Variants in PRELID3A observed in about 807,000 individuals in gnomAD.
PRELID3A encodes the protein PRELI domain containing 3A, also known as PRELI domain containing protein 3A.
A neutral mutation model predicts 23.0 loss-of-function variants in PRELID3A; 27 were observed. That is an observed-to-expected ratio of 1.17 (90% confidence interval 0.87 to 1.62). PRELID3A has a LOEUF of 1.62. PRELID3A is among the 40% of genes most tolerant of loss of function. The pLI, the probability that PRELID3A is intolerant of heterozygous loss-of-function variation, is 0.00. For missense variants in PRELID3A, 231 were observed against 231.4 expected, an observed-to-expected ratio of 1.00 and a Z score of 0.01; for synonymous variants, 87 against 86.4, an observed-to-expected ratio of 1.01 and a Z score of -0.04.
chr18:12,409,043 C>T (rs1349361389), intron 1 of PRELID3A, among the ~76,000 whole-genome samples: 1 of 151,396 alleles, frequency 6.6e-6, no homozygotes, highest in Non-Finnish European at 1.5e-5. Flanking sequence ...CTCACTTAAG[C>T]ATTAAATATT....
chr18:12,431,005 GTGTA>G (rs778585596), intron 6 of PRELID3A, 141 bp from the exon 7 acceptor site: 1 of 152,202 alleles, frequency 6.6e-6, no homozygotes, highest in African/African-American at 2.4e-5. Flanking sequence ...TATGTGTGAT[GTGTA>G]TGTGTGTGGT....
intron 1 of PRELID3A, among the ~76,000 whole-genome samples, chr18:12,416,747 G>A (rs977582772): frequency 3.3e-5 from 5 of 150,648 alleles, no homozygotes; most frequent in East Asian, 2.0e-4. Context: ...CCGGGTTCAC[G>A]CCATTCTCCT....
In PRELID3A at chr18:12,420,499, C is replaced by A; in HGVS notation, c.201+6C>A. The stretch of plus-strand genomic sequence containing the variant: ...TGCCCAGCCTCGTGAGAGCGGTGAG[C>A]GGGGCGGGGGCTGCGGCTCCGAACG... On this transcript the variant is annotated splice_donor_region_variant and intron_variant, in intron 2 of 6. Transcript: ENST00000440960. The A allele has an allele frequency of 6.6e-7, 1 of 1,525,540 alleles. No homozygotes were observed. Among genetic ancestry groups the A allele is most frequent in the Non-Finnish European group, 8.8e-7 (1 of 1,135,672 alleles). The allele number at this position is 1,525,540 out of a possible 1,614,324, so 94.5% of individuals were successfully genotyped here. A position where few individuals can be genotyped will look rare whatever the true frequency, so the allele number is the denominator to read the frequency against.
At chr18:12,419,165 T>C (rs911242476) in intron 1 of PRELID3A, among the ~76,000 whole-genome samples, 1 of 141,198 alleles carries the variant, frequency 7.1e-6, no homozygotes, top group Non-Finnish European at 1.5e-5. Flanking sequence ...CTACTAAAGA[T>C]ACAAAAAAAA....
intron 1 of PRELID3A, among the ~76,000 whole-genome samples, chr18:12,413,399 C>T (rs2029873784): frequency 6.6e-6 from 1 of 152,082 alleles, no homozygotes; most frequent in African/African-American, 2.4e-5. Context: ...CAGAGCCATA[C>T]CATCTCTTAA....
intron 1 of PRELID3A, chr18:12,410,868 T>G (rs2143317698): frequency 1.3e-5 from 2 of 152,238 alleles, no homozygotes; most frequent in South Asian, 4.1e-4. Flanking sequence ...GGTGAATTTT[T>G]TTGTATTTTT....
intron 1 of PRELID3A, among the ~76,000 whole-genome samples, chr18:12,415,004 C>T (rs1365806419): frequency 6.6e-6 from 1 of 152,088 alleles, no homozygotes; most frequent in Non-Finnish European, 1.5e-5. Context: ...TCACGACTTA[C>T]TGCAGCCTCA....
intron 1 of PRELID3A, chr18:12,420,063 C>T (rs889638783): frequency 1.5e-6 from 2 of 1,301,344 alleles, no homozygotes; most frequent in East Asian, 5.5e-5. Flanking sequence ...GATGGCACCA[C>T]TGCATTCCTG....
intron 1 of PRELID3A, among the ~76,000 whole-genome samples, chr18:12,410,550 T>TA (rs1190354880): frequency 6.6e-6 from 1 of 152,232 alleles, no homozygotes; most frequent in Non-Finnish European, 1.5e-5. Flanking sequence ...TGGCTGGACT[T>TA]ACTGTGTAGT....
At chr18:12,429,063 C>A (rs1396193341) in intron 5 of PRELID3A, among the ~76,000 whole-genome samples, 1 of 152,122 alleles carries the variant, frequency 6.6e-6, no homozygotes, top group Non-Finnish European at 1.5e-5. Context: ...CCTCCTGGGG[C>A]AGCCTCAGCG....
chr18:12,415,475 T>G (rs1299684887), intron 1 of PRELID3A, among the ~76,000 whole-genome samples: 3 of 151,978 alleles, frequency 2.0e-5, no homozygotes, highest in Non-Finnish European at 4.4e-5. Context: ...GGGCAGGCTG[T>G]TCTAGAACTC....
At chr18:12,409,413 C>G (rs574732708) in intron 1 of PRELID3A, among the ~76,000 whole-genome samples, 1 of 152,022 alleles carries the variant, frequency 6.6e-6, no homozygotes, top group East Asian at 1.9e-4. Flanking sequence ...GTGATCCACC[C>G]GCCTCGGCCT....
chr18:12,422,081 A>G (rs1033012412), intron 3 of PRELID3A, among the ~76,000 whole-genome samples: 2 of 151,896 alleles, frequency 1.3e-5, no homozygotes, highest in East Asian at 1.9e-4. Context: ...CTGGGACCAC[A>G]GGCACGTGCC....
Position 12,421,319 on chromosome 18 carries a change from C to G in PRELID3A, c.202-221C>G. ...GTTTTATTTTGCCGGGAGCATAGTGCTGCTGCACGCTCCACTCTGTTGGAA... is the reference window on the plus strand; with the variant it reads ...GTTTTATTTTGCCGGGAGCATAGTGGTGCTGCACGCTCCACTCTGTTGGAA... On this transcript the variant is annotated intron_variant, in intron 2 of 6. Coordinates refer to ENST00000440960, the MANE Select transcript of PRELID3A (RefSeq NM_001142405.2). 3 of 553,104 alleles carry G rather than the reference C, an allele frequency of 5.4e-6. No individual in the cohort carries two copies. In the South Asian group the frequency reaches 7.0e-5, roughly 13 times the overall value. 34.3% of individuals were successfully genotyped at this position (553,104 alleles called of 1,614,324 possible).
At chr18:12,408,159 C>A in intron 1 of PRELID3A, 152 bp downstream of exon 1, 2 of 674,454 alleles carry the variant, frequency 3.0e-6, no homozygotes, top group Non-Finnish European at 4.1e-6. Context: ...GCAACTTCGG[C>A]GTCCCGGAGA....
chr18:12,427,174 C>G, intron 4 of PRELID3A, 47 bp from the exon 5 acceptor site: 1 of 1,601,622 alleles, frequency 6.2e-7, no homozygotes, highest in Non-Finnish European at 8.6e-7. Context: ...GCAGACCCTC[C>G]TCTCTCTCAG....
chr18:12,421,453 A>C, intron 2 of PRELID3A, 87 bp from the exon 3 acceptor site: 10 of 833,466 alleles, frequency 1.2e-5, no homozygotes, highest in East Asian at 2.4e-5. Context: ...TGAATAGTGA[A>C]CTAATTAGTA....
rs200819680 is a variant in PRELID3A, at chr18:12,411,916, T to C, written c.32+3909T>C. ...TCATATTGTCTTCTTTTCTTTCTTTTTTTTTTTTTTTTGAGACGGAGTCTC... is the reference window on the plus strand; with the variant it reads ...TCATATTGTCTTCTTTTCTTTCTTTCTTTTTTTTTTTTGAGACGGAGTCTC... On this transcript the variant is annotated intron_variant, in intron 1 of 6. Coordinates refer to ENST00000440960, the MANE Select transcript of PRELID3A (RefSeq NM_001142405.2). Among the ~76,000 whole-genome samples the C allele has an allele frequency of 4.7e-4, 70 of 150,426 alleles. No individual in the cohort carries two copies. In the East Asian group the frequency reaches 0.01, roughly 22 times the overall value.
intron 5 of PRELID3A, among the ~76,000 whole-genome samples, chr18:12,427,874 G>C (rs1214963947): frequency 1.3e-5 from 2 of 152,084 alleles, no homozygotes; most frequent in African/African-American, 4.8e-5. Context: ...CTTCTCAGTA[G>C]AGAAAGTATG....
Sources: gnomAD v4.1 joint callset for allele counts (sites outside exome capture counted in the v4.1 genomes callset) on GRCh38, gnomAD v4.1.1 for gene constraint, MANE v1.5 for transcripts, NCBI Gene and HGNC (gene_info 2026-07-23, HGNC 2026-07-21) for gene names.